DNAH11: variants seen among roughly 807,000 people sequenced by gnomAD.
DNAH11 encodes axonemal beta dynein heavy chain 11.
Under a neutral mutation model 526.0 loss-of-function variants are expected in DNAH11, and 442 were observed. The ratio of observed to expected loss-of-function variants is 0.84; its 90% CI spans 0.78 to 0.91. The LOEUF (loss-of-function observed/expected upper bound fraction) is 0.91. DNAH11 is among the 40% of genes least tolerant of loss of function. The pLI is 0.00. For synonymous variants in DNAH11, 2,461 were observed against 1,935.9 expected (o/e 1.27, Z -7.12); for missense variants, 6,989 against 5,448.7 (o/e 1.28, Z -8.90).
chr7:21,579,371 C>A (rs1017748967), intron 8 of DNAH11, among the ~76,000 whole-genome samples: 1 of 152,192 alleles, frequency 6.6e-6, no homozygotes, highest in African/African-American at 2.4e-5. Context: ...CTGGCAGTTA[C>A]ACTCAGAGAT....
At chr7:21,799,899 C>G (rs116683345) in intron 61 of DNAH11, among the ~76,000 whole-genome samples, 2 of 152,088 alleles carry the variant, frequency 1.3e-5, no homozygotes, top group African/African-American at 4.8e-5. Context: ...AAAAGCAATG[C>G]TATAAATCTT....
intron 36 of DNAH11, among the ~76,000 whole-genome samples, chr7:21,698,667 G>C (rs1008151196): frequency 6.6e-6 from 1 of 152,156 alleles, no homozygotes; most frequent in South Asian, 2.1e-4. Context: ...TTATGACTGA[G>C]TAATATTCCA....
intron 65 of DNAH11, among the ~76,000 whole-genome samples, chr7:21,838,518 T>G (rs1387577495): frequency 1.3e-5 from 2 of 152,194 alleles, no homozygotes; most frequent in Non-Finnish European, 2.9e-5. Context: ...CTGTATTTAT[T>G]TGCCTGTTCT....
At chr7:21,671,016 A>G (rs1158627523) in intron 30 of DNAH11, among the ~76,000 whole-genome samples, 1 of 152,094 alleles carries the variant, frequency 6.6e-6, no homozygotes, top group East Asian at 1.9e-4. Flanking sequence ...AAATCAGGGT[A>G]TACTCCTTAG....
At position 21,694,116 on chromosome 7, in the gene DNAH11, T is replaced by C. The variant is rs1783746426; in HGVS notation, c.6041+3235T>C. ...CCCAACATTGAACTACAATTCAACA[T>C]GAGATTTGGGTTGGGACACAGAGCC... On this transcript the variant is annotated intron_variant, in intron 35 of 81. Coordinates refer to ENST00000409508, the MANE Select transcript of DNAH11 (RefSeq NM_001277115.2). Among the ~76,000 whole-genome samples, 2 of 152,196 alleles carry C rather than the reference T, an allele frequency of 1.3e-5. 1 individual carries two copies. The highest frequency in any genetic ancestry group is 4.1e-4 in the South Asian group (2 of 4,832).
At chr7:21,566,019 A>G (rs370361622) in intron 6 of DNAH11, among the ~76,000 whole-genome samples, 14 of 152,230 alleles carry the variant, frequency 9.2e-5, no homozygotes, top group African/African-American at 1.4e-4. Context: ...AAACACCACA[A>G]TCCCTGTTGC....
At chr7:21,742,269 G>C in intron 49 of DNAH11, 103 bp downstream of exon 49, 3 of 1,317,312 alleles carry the variant, frequency 2.3e-6, no homozygotes, top group Non-Finnish European at 3.1e-6. Context: ...CCTGAGGCTA[G>C]GTAATTTATA....
At position 21,749,706 on chromosome 7, in the gene DNAH11, C is replaced by T; in HGVS notation, c.8702C>T (p.Thr2901Ile). The T allele has an allele frequency of 1.1e-5, 17 of 1,613,870 alleles. No individual in the cohort carries two copies. Among genetic ancestry groups the T allele is most frequent in the Non-Finnish European group, 1.4e-5 (17 of 1,179,844 alleles). The change falls in exon 53 of 82, where the codon ACT becomes ATT. Residue 2901 changes from threonine (T) to isoleucine (I), a missense_variant. Coordinates refer to ENST00000409508, the MANE Select transcript of DNAH11 (RefSeq NM_001277115.2). Reference sequence around the variant, plus strand: ...GATCTTGCCAATTTGTACATCCGAACTGGAGCCAAGAACATGCCCACTGTG... The same window carrying T: ...GATCTTGCCAATTTGTACATCCGAATTGGAGCCAAGAACATGCCCACTGTG... ...RVDLANLYIRTGAKNMPTVFL... is the reference protein window; with the variant it reads ...RVDLANLYIRIGAKNMPTVFL...
chr7:21,750,462 C>G, intron 54 of DNAH11, 98 bp downstream of exon 54: 1 of 1,470,538 alleles, frequency 6.8e-7, no homozygotes. Context: ...GAATTTCAGT[C>G]ATGCATTTTG....
intron 21 of DNAH11, among the ~76,000 whole-genome samples, chr7:21,615,514 A>C (rs191351556): frequency 6.6e-6 from 1 of 151,962 alleles, no homozygotes; most frequent in African/African-American, 2.4e-5. Flanking sequence ...GACTGCCTCA[A>C]ATCCTTTGGG....
intron 8 of DNAH11, among the ~76,000 whole-genome samples, chr7:21,573,117 G>T (rs1474258505): frequency 6.6e-6 from 1 of 152,180 alleles, no homozygotes; most frequent in Non-Finnish European, 1.5e-5. Flanking sequence ...TTTTCAGAGT[G>T]CCAGAATTAG....
rs143609941 is a variant in DNAH11, at chr7:21,720,107, T to C, written c.7135-618T>C. 4.1e-3 allele frequency among the ~76,000 whole-genome samples: 628 copies of C among 152,342 alleles called. 7 individuals carry two copies. Among genetic ancestry groups the C allele is most frequent in the African/African-American group, 0.014 (597 of 41,566 alleles). ...TTCCTGAGTTCCTGAACAGCATTTC[T>C]TTCAAGGTTAAATTTAGTTCGGTGT... On this transcript the variant is annotated intron_variant, in intron 43 of 81. Transcript: ENST00000409508.
At chr7:21,841,093 A>G (rs1401865242) in intron 65 of DNAH11, among the ~76,000 whole-genome samples, 1 of 152,178 alleles carries the variant, frequency 6.6e-6, no homozygotes, top group Non-Finnish European at 1.5e-5. Flanking sequence ...CTGAGGCACA[A>G]GAATGACTTG....
At chr7:21,657,326 A>T (rs143374082) in intron 29 of DNAH11, among the ~76,000 whole-genome samples, 1 of 152,258 alleles carries the variant, frequency 6.6e-6, no homozygotes, top group East Asian at 1.9e-4. Flanking sequence ...AGGAGCTCTT[A>T]GGCCCATTGA....
chr7:21,557,795 A>G (rs1783279822), intron 2 of DNAH11, among the ~76,000 whole-genome samples: 1 of 152,194 alleles, frequency 6.6e-6, no homozygotes, highest in Admixed American at 6.5e-5. Flanking sequence ...TTTCATATGC[A>G]TCCTGGACAT....
At chr7:21,559,078 A>G (rs1193707461) in intron 3 of DNAH11, 80 bp downstream of exon 3, 5 of 1,248,548 alleles carry the variant, frequency 4.0e-6, no homozygotes, top group South Asian at 1.5e-5. Flanking sequence ...TAATCCCAGC[A>G]ATTTGGAGGC....
At chr7:21,691,055 A>T (rs182418746) in intron 35 of DNAH11, among the ~76,000 whole-genome samples, 174 bp downstream of exon 35, 1 of 152,292 alleles carries the variant, frequency 6.6e-6, no homozygotes, top group African/African-American at 2.4e-5. Context: ...AACCCTTTTG[A>T]ATTATAAAAC....
intron 30 of DNAH11, among the ~76,000 whole-genome samples, chr7:21,662,310 G>A (rs1782270129): frequency 6.6e-6 from 1 of 152,050 alleles, no homozygotes; most frequent in South Asian, 2.1e-4. Flanking sequence ...TTTGTAACAT[G>A]TGTGCCTACC....
chr7:21,812,518 T>TAAAAA (rs764796839), intron 63 of DNAH11, among the ~76,000 whole-genome samples: 47 of 149,040 alleles, frequency 3.2e-4, no homozygotes, highest in Admixed American at 1.9e-3. Context: ...AAAAAAAATT[T>TAAAAA]TTTTTAAACC....
Sources: allele counts gnomAD v4.1 joint callset (sites outside exome capture counted in the v4.1 genomes callset), GRCh38; gene constraint gnomAD v4.1.1; transcripts MANE v1.5; gene names NCBI Gene and HGNC (gene_info 2026-07-23, HGNC 2026-07-21).